ASIC2: variants seen among roughly 807,000 people sequenced by gnomAD.
ASIC2 encodes acid sensing ion channel subunit 2.
A neutral mutation model predicts 57.3 loss-of-function variants in ASIC2; 25 were observed. The ratio of observed to expected loss-of-function variants is 0.44; its 90% CI spans 0.32 to 0.61. ASIC2 has a LOEUF of 0.61. ASIC2 is among the 20% of genes least tolerant of loss of function. The pLI is 0.06. For synonymous variants in ASIC2, 319 were observed against 307.5 expected (o/e 1.04, Z -0.39); for missense variants, 641 against 738.1 (o/e 0.87, Z 1.52).
chr17:33,440,964 T>G (rs1911803398), intron 1 of ASIC2, among the ~76,000 whole-genome samples: 1 of 152,160 alleles, frequency 6.6e-6, no homozygotes, highest in African/African-American at 2.4e-5. Flanking sequence ...TTTCTTTCTT[T>G]TTCTTTTCTT....
At chr17:33,993,714 G>A (rs1220197714) in intron 1 of ASIC2, among the ~76,000 whole-genome samples, 3 of 146,602 alleles carry the variant, frequency 2.0e-5, no homozygotes, top group African/African-American at 8.2e-5. Context: ...TCATGTACTG[G>A]AAGTGGGAGA....
chr17:33,737,275 G>A (rs1012519829), intron 1 of ASIC2, among the ~76,000 whole-genome samples: 2 of 152,242 alleles, frequency 1.3e-5, no homozygotes, highest in Non-Finnish European at 2.9e-5. Context: ...TCATCAGATT[G>A]TTTTCCAAGC....
rs190106987 is a variant in ASIC2 at position 33,642,415 on chromosome 17, C to T, written c.555+513563G>A. Among the ~76,000 whole-genome samples, 97 of 152,274 alleles carry T rather than the reference C, an allele frequency of 6.4e-4. 1 individual carries two copies. The highest frequency in any genetic ancestry group is 9.9e-4 in the African/African-American group (41 of 41,552). The stretch of plus-strand genomic sequence containing the variant: ...CCAGGCTAGGCAGCTCTGGAGAAGG[C>T]GGAAGTGGAGAAAGTTCCAAAGTCA... On this transcript the variant is annotated intron_variant, in intron 1 of 9. Coordinates refer to the ASIC2 transcript ENST00000359872.
chr17:33,506,247 A>G (rs1464962813), intron 1 of ASIC2, among the ~76,000 whole-genome samples: 2 of 151,424 alleles, frequency 1.3e-5, no homozygotes, highest in Admixed American at 1.3e-4. Context: ...ACAAAAAAAA[A>G]AAAAAAAAAG....
chr17:33,822,469 C>A (rs893997055), intron 1 of ASIC2, among the ~76,000 whole-genome samples: 1 of 152,170 alleles, frequency 6.6e-6, no homozygotes, highest in South Asian at 2.1e-4. Context: ...TTCTCATCAT[C>A]TTTTACTTTA....
intron 1 of ASIC2, among the ~76,000 whole-genome samples, chr17:33,163,710 T>C (rs72819127): frequency 0.15 from 22,424 of 151,848 alleles, 1,961 homozygotes; most frequent in Non-Finnish European, 0.19. Flanking sequence ...CCTAGCGAGG[T>C]AGACAACCAA....
intron 1 of ASIC2, among the ~76,000 whole-genome samples, chr17:33,788,476 A>G (rs971858247): frequency 6.6e-6 from 1 of 152,222 alleles, no homozygotes; most frequent in Non-Finnish European, 1.5e-5. Context: ...TAGTTCAACC[A>G]GAGTGGAAGA....
chr17:33,541,627 A>G (rs1371749782), intron 1 of ASIC2, among the ~76,000 whole-genome samples: 1 of 152,204 alleles, frequency 6.6e-6, no homozygotes, highest in Admixed American at 6.5e-5. Flanking sequence ...GGACTGTATC[A>G]TTAGGGCTTC....
At chr17:33,896,873 T>G (rs1308370882) in intron 1 of ASIC2, among the ~76,000 whole-genome samples, 1 of 152,178 alleles carries the variant, frequency 6.6e-6, no homozygotes, top group Non-Finnish European at 1.5e-5. Flanking sequence ...CCCCCCAGGG[T>G]TGCACAACAT....
intron 1 of ASIC2, among the ~76,000 whole-genome samples, chr17:33,375,302 G>A (rs966243824): frequency 1.3e-5 from 2 of 151,802 alleles, no homozygotes; most frequent in African/African-American, 4.8e-5. Context: ...AGAATCTCCC[G>A]GCAGAGGAAA....
chr17:33,192,592 C>T (rs747853100), intron 1 of ASIC2, among the ~76,000 whole-genome samples: 5 of 152,274 alleles, frequency 3.3e-5, no homozygotes, highest in South Asian at 2.1e-4. Flanking sequence ...CACCTCCTAA[C>T]GTCAGCCATT....
chr17:33,042,501 G>A lies in ASIC2; in HGVS notation c.988-14109C>T, dbSNP rs78357765. Among the ~76,000 whole-genome samples, 74 of 152,340 alleles carry A rather than the reference G, an allele frequency of 4.9e-4. 6 individuals carry two copies. In the East Asian group the frequency reaches 0.014, roughly 29 times the overall value. ...GATGGTATAAATATAGCTGATATTT[G>A]TTGAACCTTTACTATGTGCCAGGCA... On this transcript the variant is annotated intron_variant, in intron 3 of 9. Coordinates refer to ENST00000225823, the MANE Select transcript of ASIC2 (RefSeq NM_183377.2).
intron 1 of ASIC2, among the ~76,000 whole-genome samples, chr17:33,518,286 G>A (rs527841597): frequency 6.6e-6 from 1 of 152,344 alleles, no homozygotes; most frequent in Non-Finnish European, 1.5e-5. Context: ...TAGCCATGGC[G>A]TTTGAAGCCA....
chr17:34,088,953 A>T (rs1369936505), intron 1 of ASIC2, among the ~76,000 whole-genome samples: 2 of 152,122 alleles, frequency 1.3e-5, no homozygotes, highest in African/African-American at 4.8e-5. Context: ...CCTTTCTTTG[A>T]CTAGGAAAGG....
intron 1 of ASIC2, chr17:34,041,470 T>C (rs1908129754): frequency 6.6e-6 from 1 of 152,202 alleles, no homozygotes; most frequent in Non-Finnish European, 1.5e-5. Context: ...GAAAGAATGA[T>C]AACTTTGACA....
intron 1 of ASIC2, among the ~76,000 whole-genome samples, chr17:33,328,504 A>C (rs1907168948): frequency 6.6e-6 from 1 of 152,048 alleles, no homozygotes; most frequent in African/African-American, 2.4e-5. Context: ...GATGCTGTAG[A>C]TCTTGATGCC....
chr17:34,137,870 C>T (rs997015570), intron 1 of ASIC2, among the ~76,000 whole-genome samples: 1 of 152,040 alleles, frequency 6.6e-6, no homozygotes, highest in Non-Finnish European at 1.5e-5. Flanking sequence ...GAAGGCTTCA[C>T]CCCCCATGAC....
At chr17:33,333,027 T>C (rs1366129751) in intron 1 of ASIC2, among the ~76,000 whole-genome samples, 1 of 152,228 alleles carries the variant, frequency 6.6e-6, no homozygotes, top group South Asian at 2.1e-4. Context: ...ATATGTAGCA[T>C]GTTCAATCTA....
intron 1 of ASIC2, among the ~76,000 whole-genome samples, chr17:33,811,085 A>G (rs1227759826): frequency 6.6e-6 from 1 of 152,166 alleles, no homozygotes; most frequent in African/African-American, 2.4e-5. Flanking sequence ...ACAGGACACT[A>G]TTTTTCAGGC....
Sources: gnomAD v4.1 joint callset for allele counts (sites outside exome capture counted in the v4.1 genomes callset) on GRCh38, gnomAD v4.1.1 for gene constraint, MANE v1.5 for transcripts, NCBI Gene and HGNC (gene_info 2026-07-23, HGNC 2026-07-21) for gene names.